The following TRMU variants were observed in gnomAD, a reference collection of about 807,000 sequenced individuals.
TRMU encodes tRNA mitochondrial 2-thiouridylase.
TRMU carries 49 observed loss-of-function variants against 46.9 expected under a neutral mutation model. The observed-to-expected ratio is 1.05, with a 90% CI of 0.83 to 1.33. The LOEUF (loss-of-function observed/expected upper bound fraction) is 1.33. Among genes scored for constraint, TRMU ranks in the 40% most tolerant of loss-of-function variants. The probability of loss-of-function intolerance (pLI) is 0.00; values close to 1 mark genes in which losing one functional copy is unlikely to be tolerated. For missense variants in TRMU, 572 were observed against 532.4 expected, an observed-to-expected ratio of 1.07 and a Z score of -0.73; for synonymous variants, 241 against 200.9, an observed-to-expected ratio of 1.20 and a Z score of -1.69.
Position 46,342,829 on chromosome 22 carries a change from G to A in TRMU, c.249-433G>A, listed in dbSNP as rs1474814139. On this transcript the variant is annotated intron_variant, in intron 2 of 10. Transcript: ENST00000645190. The surrounding 1 kb of genome is among the most constrained non-coding windows in gnomAD (Gnocchi z 4.7). Reference sequence around the variant, plus strand: ...AAAAATTATCTGGGCATGGTGCTGCGCACCTGTAATCACAGCTATTCGGAA... The same window carrying A: ...AAAAATTATCTGGGCATGGTGCTGCACACCTGTAATCACAGCTATTCGGAA... Among the ~76,000 whole-genome samples the A allele has an allele frequency of 3.3e-5, 5 of 152,262 alleles. No individual in the cohort carries two copies. The highest frequency in any genetic ancestry group is 7.2e-5 in the African/African-American group (3 of 41,460).
At position 46,347,962 on chromosome 22, in the gene TRMU, TC is replaced by T. The variant is rs1419714467; in HGVS notation, c.478+1420del. 6.6e-6 allele frequency among the ~76,000 whole-genome samples: 1 copy of T among 152,178 alleles called. No homozygotes were observed. Among genetic ancestry groups the T allele is most frequent in the African/African-American group, 2.4e-5 (1 of 41,434 alleles). Reference sequence around the variant, plus strand: ...GCCGCCCTCTGTTCCCTCCTCGCCTTCCTTCCTTATGCCACAGGGTGATCAG... The same window carrying T: ...GCCGCCCTCTGTTCCCTCCTCGCCTTCTTCCTTATGCCACAGGGTGATCAG... On this transcript the variant is annotated intron_variant, in intron 4 of 10. Transcript: ENST00000645190. The surrounding 1 kb of genome is among the most constrained non-coding windows in gnomAD (Gnocchi z 5.0).
At position 46,335,729 on chromosome 22, in the gene TRMU, C is replaced by G. The variant is rs560661382; in HGVS notation, c.-36C>G. On this transcript the variant is annotated 5_prime_UTR_variant, in exon 1 of 11. Transcript: ENST00000645190. ...GACTTCCGGCAAGGCGCGGAAGCGG[C>G]GGTAGCTGCAGCTGGCGAAGTTGGG... 8.4e-5 allele frequency: 129 copies of G among 1,540,116 alleles called. No individual in the cohort carries two copies. In the African/African-American group the frequency reaches 1.6e-3, roughly 19 times the overall value.
intron 3 of TRMU, among the ~76,000 whole-genome samples, chr22:46,345,274 T>C (rs1441947739): frequency 1.3e-5 from 2 of 152,166 alleles, no homozygotes; most frequent in African/African-American, 2.4e-5. Flanking sequence ...GGTTTCATCA[T>C]GTTGGCCAGG....
At chr22:46,337,560 C>A (rs544080892) in intron 1 of TRMU, among the ~76,000 whole-genome samples, 2 of 152,174 alleles carry the variant, frequency 1.3e-5, no homozygotes, top group East Asian at 3.9e-4. Context: ...GATGGGGACA[C>A]AAAGATGAGA....
At chr22:46,355,422 A>C (rs766899593) in intron 8 of TRMU, 22 bp from the exon 9 acceptor site, 1 of 1,611,844 alleles carries the variant, frequency 6.2e-7, no homozygotes, top group South Asian at 1.1e-5. Flanking sequence ...CGGCGTCCCC[A>C]CCTTCACATT....
rs1043284061 is a variant in TRMU, at chr22:46,351,077, A to G, written c.651+614A>G. Among the ~76,000 whole-genome samples, 2 of 152,208 alleles carry G rather than the reference A, an allele frequency of 1.3e-5. No homozygotes were observed. The highest frequency in any genetic ancestry group is 2.9e-5 in the Non-Finnish European group (2 of 68,028). ...CACCAGTGGGGTCTGAGAGTAGGGAATGGAGATGCCAAAAACGGCCTCAAA... is the reference window on the plus strand; with the variant it reads ...CACCAGTGGGGTCTGAGAGTAGGGAGTGGAGATGCCAAAAACGGCCTCAAA... On this transcript the variant is annotated intron_variant, in intron 5 of 10. Transcript: ENST00000645190. The surrounding 1 kb of genome is among the most constrained non-coding windows in gnomAD (Gnocchi z 6.4).
In TRMU at chr22:46,336,078, C is replaced by T. The variant is rs902818991; in HGVS notation, c.82+232C>T. On this transcript the variant is annotated intron_variant, in intron 1 of 10. Coordinates refer to ENST00000645190, the MANE Select transcript of TRMU (RefSeq NM_018006.5). This position sits in a 1 kb window ranked among gnomAD's most constrained non-coding sequence, Gnocchi z 4.1. ...CGACTACCTGGGAGCAGTTCCGCGC[C>T]CCTCTCCACCCACGCGCGCCCACCC... 3.3e-5 allele frequency: 45 copies of T among 1,377,114 alleles called. No homozygotes were observed. Among genetic ancestry groups the T allele is most frequent in the African/African-American group, 7.6e-5 (5 of 65,386 alleles). 85.3% of individuals were successfully genotyped at this position (1,377,114 alleles called of 1,614,324 possible). A position where few individuals can be genotyped will look rare whatever the true frequency, so the allele number is the denominator to read the frequency against.
intron 10 of TRMU, chr22:46,356,450 C>T: frequency 2.4e-6 from 1 of 422,562 alleles, no homozygotes; most frequent in South Asian, 2.6e-5. Flanking sequence ...GGGTGTAGGC[C>T]TGAGGAATCT....
Position 46,349,629 on chromosome 22 carries a change from C to G in TRMU, c.479-662C>G, listed in dbSNP as rs543017055. On this transcript the variant is annotated intron_variant, in intron 4 of 10. Coordinates refer to ENST00000645190, the MANE Select transcript of TRMU (RefSeq NM_018006.5). The surrounding 1 kb of genome is among the most constrained non-coding windows in gnomAD (Gnocchi z 4.6). ...AGTGGAGAACTGGACGGTTCTAAGC[C>G]AGGTTTACTCACACCTCTGCTCCGT... Among the ~76,000 whole-genome samples the G allele has an allele frequency of 6.6e-6, 1 of 152,198 alleles. No homozygotes were observed. Among genetic ancestry groups the G allele is most frequent in the African/African-American group, 2.4e-5 (1 of 41,444 alleles).
rs1251978824 is a variant in TRMU at position 46,350,567 on chromosome 22, G to C, written c.651+104G>C. 7.1e-7 allele frequency: 1 copy of C among 1,414,960 alleles called. No homozygotes were observed. Among genetic ancestry groups the C allele is most frequent in the East Asian group, 2.3e-5 (1 of 43,496 alleles). The allele number at this position is 1,414,960 out of a possible 1,614,324, so 87.7% of individuals were successfully genotyped here. ...GTCCCGCACCACTTCCCCTTCTCCAGGACCTAACATCAAAGGCGGGCCTTG... is the reference window on the plus strand; with the variant it reads ...GTCCCGCACCACTTCCCCTTCTCCACGACCTAACATCAAAGGCGGGCCTTG... On this transcript the variant is annotated intron_variant, in intron 5 of 10. Coordinates refer to ENST00000645190, the MANE Select transcript of TRMU (RefSeq NM_018006.5). The surrounding 1 kb of genome is among the most constrained non-coding windows in gnomAD (Gnocchi z 4.6).
Position 46,336,899 on chromosome 22 carries a change from C to T in TRMU, c.83-880C>T, listed in dbSNP as rs148508364. On this transcript the variant is annotated intron_variant, in intron 1 of 10. Transcript: ENST00000645190. The surrounding 1 kb of genome is among the most constrained non-coding windows in gnomAD (Gnocchi z 4.1). The stretch of plus-strand genomic sequence containing the variant: ...GTGGAGGCGGCCCTCCCGGCACAGT[C>T]AGCAGTGCAAGCAGAATCACAGAGG... 6.6e-6 allele frequency among the ~76,000 whole-genome samples: 1 copy of T among 152,198 alleles called. No individual in the cohort carries two copies. Among genetic ancestry groups the T allele is most frequent in the East Asian group, 1.9e-4 (1 of 5,170 alleles).
chr22:46,353,360 TG>T (rs1336360915), intron 7 of TRMU: 1 of 278,376 alleles, frequency 3.6e-6, no homozygotes, highest in Non-Finnish European at 7.2e-6. Flanking sequence ...GCAGAGCAGC[TG>T]GGGGTAGCCC....
At chr22:46,343,201 T>G in intron 2 of TRMU, 61 bp from the exon 3 acceptor site, 1 of 939,114 alleles carries the variant, frequency 1.1e-6, no homozygotes, top group Non-Finnish European at 1.5e-6. Flanking sequence ...TTAGTGAACT[T>G]TTTTTTTTTT....
intron 5 of TRMU, 101 bp from the exon 6 acceptor site, chr22:46,352,020 G>C (rs917976832): frequency 1.1e-5 from 15 of 1,334,536 alleles, no homozygotes; most frequent in Non-Finnish European, 1.5e-5. Context: ...GCAAAGTGTG[G>C]GGTGAGGCCG....
At chr22:46,354,163 G>T in intron 8 of TRMU, 1 of 369,738 alleles carries the variant, frequency 2.7e-6, no homozygotes, top group South Asian at 2.2e-5. Context: ...GAGCTTGGGT[G>T]GCTCATCCGG....
Position 46,354,046 on chromosome 22 carries a change from T to A in TRMU, c.873+179T>A. 1.4e-5 allele frequency: 9 copies of A among 625,004 alleles called. No individual in the cohort carries two copies. In the South Asian group the frequency reaches 1.5e-4, roughly 11 times the overall value. 38.7% of individuals were successfully genotyped at this position (625,004 alleles called of 1,614,324 possible). A position where few individuals can be genotyped will look rare whatever the true frequency, so the allele number is the denominator to read the frequency against. ...GACTGGCCATGGTGGCAGGAGAGTTTTAAGGTATTCATTAGGCTGAGTTGT... is the reference window on the plus strand; with the variant it reads ...GACTGGCCATGGTGGCAGGAGAGTTATAAGGTATTCATTAGGCTGAGTTGT... On this transcript the variant is annotated intron_variant, in intron 8 of 10. Coordinates refer to ENST00000645190, the MANE Select transcript of TRMU (RefSeq NM_018006.5).
In TRMU at chr22:46,347,961, T is replaced by A. The variant is rs896562902; in HGVS notation, c.478+1417T>A. ...TGCCGCCCTCTGTTCCCTCCTCGCC[T>A]TCCTTCCTTATGCCACAGGGTGATC... is the stretch of plus-strand genomic sequence containing the variant. On this transcript the variant is annotated intron_variant, in intron 4 of 10. Transcript: ENST00000645190. The surrounding 1 kb of genome is among the most constrained non-coding windows in gnomAD (Gnocchi z 5.0). Among the ~76,000 whole-genome samples the A allele has an allele frequency of 2.6e-5, 4 of 152,190 alleles. No individual in the cohort carries two copies. Among genetic ancestry groups the A allele is most frequent in the Non-Finnish European group, 5.9e-5 (4 of 68,028 alleles).
intron 5 of TRMU, 24 bp from the exon 6 acceptor site, chr22:46,352,097 A>C (rs767982330): frequency 8.7e-6 from 14 of 1,611,670 alleles, no homozygotes; most frequent in Admixed American, 1.7e-5. Context: ...TGCTCCTCTC[A>C]CGGCTGCCGT....
Position 46,339,158 on chromosome 22 carries a change from A to ATT in TRMU, c.248+1222_248+1223dup, listed in dbSNP as rs151252945. Among the ~76,000 whole-genome samples the ATT allele has an allele frequency of 6.0e-5, 9 of 150,394 alleles. No individual in the cohort carries two copies. The highest frequency in any genetic ancestry group is 2.2e-4 in the African/African-American group (9 of 40,912). ...ATAAACATAGCTGTTTTTCTTTTCTATTTTTTTTTGAGACAGAGCCTCGCT... is the reference window on the plus strand; with the variant it reads ...ATAAACATAGCTGTTTTTCTTTTCTATTTTTTTTTTTGAGACAGAGCCTCGCT... On this transcript the variant is annotated intron_variant, in intron 2 of 10. Coordinates refer to ENST00000645190, the MANE Select transcript of TRMU (RefSeq NM_018006.5). This position sits in a 1 kb window ranked among gnomAD's most constrained non-coding sequence, Gnocchi z 4.8.
Sources: gnomAD v4.1 joint callset for allele counts (sites outside exome capture counted in the v4.1 genomes callset) on GRCh38, gnomAD v4.1.1 for gene constraint, Gnocchi (gnomAD v3.1) non-coding constraint, MANE v1.5 for transcripts, NCBI Gene and HGNC (gene_info 2026-07-23, HGNC 2026-07-21) for gene names.